The following CFAP54 variants were observed in gnomAD, a reference collection of about 807,000 sequenced individuals.
CFAP54 encodes cilia and flagella associated protein 54, also known as cilia- and flagella-associated protein 54.
In CFAP54, 290 loss-of-function variants were observed where a neutral mutation model predicts 370.4. The ratio of observed to expected loss-of-function variants is 0.78; its 90% confidence interval spans 0.71 to 0.86. CFAP54 has a LOEUF of 0.86. CFAP54 is among the 40% of genes least tolerant of loss of function. The pLI is 0.00. For synonymous variants in CFAP54, 1,206 were observed against 1,236.5 expected (o/e 0.98, Z 0.52); for missense variants, 3,399 against 3,528.7 (o/e 0.96, Z 0.93).
At chr12:96,651,418 G>A (rs111723463) in intron 35 of CFAP54, among the ~76,000 whole-genome samples, 170 bp from the exon 36 acceptor site, 1,559 of 152,240 alleles carry the variant, frequency 0.01, 11 homozygotes, top group Non-Finnish European at 0.015. Context: ...ATCTTTGTTC[G>A]AAGTAAATGA....
At chr12:96,609,731 C>G (rs1041830755) in intron 26 of CFAP54, among the ~76,000 whole-genome samples, 19 of 152,186 alleles carry the variant, frequency 1.2e-4, no homozygotes, top group African/African-American at 3.9e-4. Context: ...CTATGTAATA[C>G]ACTTACAAAA....
chr12:96,766,360 C>T (rs906108628), intron 60 of CFAP54, among the ~76,000 whole-genome samples: 17 of 152,060 alleles, frequency 1.1e-4, no homozygotes, highest in Non-Finnish European at 1.6e-4. Context: ...AGACTGGGTG[C>T]TTGCTCTTCT....
intron 39 of CFAP54, among the ~76,000 whole-genome samples, chr12:96,674,117 A>C (rs972729318): frequency 6.6e-6 from 1 of 152,078 alleles, no homozygotes; most frequent in African/African-American, 2.4e-5. Flanking sequence ...TCTCTGGTAG[A>C]GTTATTCAGT....
chr12:96,690,374 C>T (rs1328672334), intron 43 of CFAP54, among the ~76,000 whole-genome samples: 1 of 152,122 alleles, frequency 6.6e-6, no homozygotes, highest in East Asian at 1.9e-4. Context: ...TTTCATGATG[C>T]ATTTGTCATT....
chr12:96,836,154 C>G (rs1032600145), intron 66 of CFAP54, among the ~76,000 whole-genome samples: 2 of 152,126 alleles, frequency 1.3e-5, no homozygotes, highest in African/African-American at 4.8e-5. Flanking sequence ...GCAGGAGAAG[C>G]TGGGGAGTTC....
intron 39 of CFAP54, 99 bp downstream of exon 39, chr12:96,664,031 A>G (rs1044556897): frequency 4.3e-6 from 4 of 920,128 alleles, no homozygotes; most frequent in Non-Finnish European, 6.8e-6. Flanking sequence ...TGTTTGTAAA[A>G]ATGTATTTTG....
intron 56 of CFAP54, 62 bp downstream of exon 56, chr12:96,753,960 A>G (rs547073519): frequency 3.5e-4 from 533 of 1,539,058 alleles, no homozygotes; most frequent in South Asian, 8.9e-4. Flanking sequence ...TCTGTCAACA[A>G]CAGGATTCTT....
At chr12:96,518,889 C>T in intron 5 of CFAP54, 39 bp from the exon 6 acceptor site, 1 of 1,485,418 alleles carries the variant, frequency 6.7e-7, no homozygotes, top group Non-Finnish European at 9.0e-7. Flanking sequence ...TTATTAACTT[C>T]AAATGAAAAC....
At chr12:96,691,052 A>T in intron 43 of CFAP54, 76 bp from the exon 44 acceptor site, 1 of 1,275,780 alleles carries the variant, frequency 7.8e-7, no homozygotes, top group Non-Finnish European at 1.1e-6. Flanking sequence ...AAAGCAATAC[A>T]TGTATTTATC....
chr12:96,613,912 A>G (rs1956388103), intron 26 of CFAP54, among the ~76,000 whole-genome samples: 1 of 151,834 alleles, frequency 6.6e-6, no homozygotes, highest in South Asian at 2.1e-4. Flanking sequence ...AGATGGATTC[A>G]CAGCCGAATT....
rs970030849 is a variant in CFAP54, at chr12:96,489,680, T to C, written c.71T>C (p.Leu24Pro). ...DSTTSGSLPELPPTSTATSRS... is the reference protein window; with the variant it reads ...DSTTSGSLPEPPPTSTATSRS... ...ACCACCTCGGGGTCTCTGCCAGAACTGCCGCCGACCTCCACCGCGACTTCG... is the reference window on the plus strand; with the variant it reads ...ACCACCTCGGGGTCTCTGCCAGAACCGCCGCCGACCTCCACCGCGACTTCG... Residue 24 changes from leucine (L) to proline (P), a missense_variant, in exon 1 of 68, where the codon CTG becomes CCG. Leu to Pro is a moderately conservative substitution (Grantham distance 98). Coordinates refer to ENST00000524981, the MANE Select transcript of CFAP54 (RefSeq NM_001306084.2). 3 of 1,535,832 alleles carry C rather than the reference T, an allele frequency of 2.0e-6. No individual in the cohort carries two copies. The highest frequency in any genetic ancestry group is 2.6e-6 in the Non-Finnish European group (3 of 1,146,696).
chr12:96,524,579 G>T (rs1233818135), intron 8 of CFAP54, among the ~76,000 whole-genome samples: 1 of 152,166 alleles, frequency 6.6e-6, no homozygotes, highest in African/African-American at 2.4e-5. Flanking sequence ...GGCAGAATTT[G>T]GTTAGACAGG....
At chr12:96,613,535 G>T (rs775649358) in intron 26 of CFAP54, among the ~76,000 whole-genome samples, 1 of 152,092 alleles carries the variant, frequency 6.6e-6, no homozygotes, top group African/African-American at 2.4e-5. Flanking sequence ...AGAACTGAAG[G>T]AGATAGAGAC....
chr12:96,771,455 A>T (rs181516250), intron 60 of CFAP54, among the ~76,000 whole-genome samples: 7 of 152,226 alleles, frequency 4.6e-5, no homozygotes, highest in Non-Finnish European at 1.0e-4. Context: ...GATGGAGACC[A>T]TCCTGGCTAA....
intron 49 of CFAP54, 56 bp from the exon 50 acceptor site, chr12:96,720,349 G>A (rs147105303): frequency 8.6e-6 from 11 of 1,275,686 alleles, no homozygotes; most frequent in Middle Eastern, 2.4e-4. Context: ...AAAGAAGAAA[G>A]AGACAGTATT....
intron 2 of CFAP54, among the ~76,000 whole-genome samples, chr12:96,503,128 TTC>T (rs1338359970): frequency 3.4e-5 from 5 of 147,300 alleles, no homozygotes; most frequent in African/African-American, 1.0e-4. Context: ...CTTTCTCGCT[TTC>T]TCTCTCTCCT....
At chr12:96,727,871 G>C (rs1268447865) in intron 50 of CFAP54, among the ~76,000 whole-genome samples, 1 of 151,266 alleles carries the variant, frequency 6.6e-6, no homozygotes, top group African/African-American at 2.4e-5. Context: ...GGGCAGGCCT[G>C]GTGGTGACAA....
chr12:96,601,754 A>C (rs1325213820), intron 26 of CFAP54, among the ~76,000 whole-genome samples: 3 of 152,168 alleles, frequency 2.0e-5, no homozygotes, highest in Non-Finnish European at 4.4e-5. Context: ...AGAGGTGTTT[A>C]TAGTATTCTC....
chr12:96,703,381 C>G (rs1268413394), intron 46 of CFAP54, among the ~76,000 whole-genome samples: 1 of 152,116 alleles, frequency 6.6e-6, no homozygotes, highest in Non-Finnish European at 1.5e-5. Flanking sequence ...CCTGAACATT[C>G]TTATGGCCAG....
Sources: allele counts gnomAD v4.1 joint callset (sites outside exome capture counted in the v4.1 genomes callset), GRCh38; gene constraint gnomAD v4.1.1; transcripts MANE v1.5; gene names NCBI Gene and HGNC (gene_info 2026-07-23, HGNC 2026-07-21).